Variants in PGPEP1 observed in about 807,000 individuals in gnomAD.
The protein encoded by PGPEP1 is pyroglutamyl-peptidase 1.
In PGPEP1, 15 loss-of-function variants were observed where a neutral mutation model predicts 24.1. The observed-to-expected ratio is 0.62, with a 90% CI of 0.42 to 0.96. PGPEP1 has a LOEUF of 0.96. Among genes scored for constraint, PGPEP1 ranks in the 40% least tolerant of loss-of-function variants. The probability of loss-of-function intolerance (pLI) is 0.00; values close to 1 mark genes in which losing one functional copy is unlikely to be tolerated. For missense variants in PGPEP1, 242 were observed against 273.4 expected, an observed-to-expected ratio of 0.89 and a Z score of 0.81; for synonymous variants, 122 against 116.4, an observed-to-expected ratio of 1.05 and a Z score of -0.31.
chr19:18,346,087 C>T (rs1970836970), intron 2 of PGPEP1, among the ~76,000 whole-genome samples: 1 of 152,052 alleles, frequency 6.6e-6, no homozygotes, highest in Admixed American at 6.6e-5. Flanking sequence ...AGAAGCCCCA[C>T]ATAGCCTCTC....
intron 2 of PGPEP1, among the ~76,000 whole-genome samples, chr19:18,345,578 A>G (rs972578157): frequency 5.3e-5 from 8 of 151,220 alleles, no homozygotes; most frequent in Non-Finnish European, 8.9e-5. Flanking sequence ...AAATACAAAC[A>G]GCCGGGAGTG....
In PGPEP1 at chr19:18,363,477, C is replaced by T. The variant is rs753165820; in HGVS notation, c.524C>T (p.Pro175Leu). 20 of 1,614,034 alleles carry T rather than the reference C, an allele frequency of 1.2e-5. No individual in the cohort carries two copies. Among genetic ancestry groups the T allele is most frequent in the Admixed American group, 1.7e-5 (1 of 59,996 alleles). The stretch of plus-strand genomic sequence containing the variant: ...GTCCACGTGCCCCCACTGGGGAAGC[C>T]GTACAACGCGGACCAGCTGGGCAGG... Reference protein sequence around the residue: ...AFVHVPPLGKPYNADQLGRAL... With the variant: ...AFVHVPPLGKLYNADQLGRAL... The change falls in exon 5 of 5, where the codon CCG (proline) becomes CTG (leucine). Residue 175 changes from proline (P) to leucine (L), a missense_variant. Transcript: ENST00000269919.
chr19:18,356,774 C>CA (rs1971196740), intron 3 of PGPEP1, among the ~76,000 whole-genome samples: 2 of 151,756 alleles, frequency 1.3e-5, no homozygotes, highest in South Asian at 4.2e-4. Context: ...CATGGTGGCT[C>CA]ACGCCTGTAA....
At chr19:18,345,558 A>C (rs377035853) in intron 2 of PGPEP1, among the ~76,000 whole-genome samples, 117 of 133,180 alleles carry the variant, frequency 8.8e-4, no homozygotes, top group African/African-American at 2.8e-3. Context: ...CCCCATCTCT[A>C]AAAAAAAAAA....
intron 4 of PGPEP1, among the ~76,000 whole-genome samples, chr19:18,361,193 A>G (rs556151719): frequency 6.6e-6 from 1 of 151,314 alleles, no homozygotes; most frequent in Non-Finnish European, 1.5e-5. Context: ...GCTGGAGTGC[A>G]ATGGCAGAAT....
At chr19:18,353,705 T>A (rs748003834) in intron 2 of PGPEP1, among the ~76,000 whole-genome samples, 12 of 152,196 alleles carry the variant, frequency 7.9e-5, no homozygotes, top group Non-Finnish European at 1.6e-4. Context: ...TGGATTTGCC[T>A]GCTCTGGGCA....
At chr19:18,353,658 C>T (rs1306134693) in intron 2 of PGPEP1, among the ~76,000 whole-genome samples, 2 of 152,202 alleles carry the variant, frequency 1.3e-5, no homozygotes, top group South Asian at 2.1e-4. Context: ...TCCCCTCCCT[C>T]AGCCCCTGGC....
chr19:18,363,657 C>A lies in PGPEP1; in HGVS notation c.*74C>A. 1.8e-6 allele frequency: 2 copies of A among 1,141,536 alleles called. No individual in the cohort carries two copies. Among genetic ancestry groups the A allele is most frequent in the Non-Finnish European group, 2.5e-6 (2 of 796,896 alleles). 70.7% of individuals were successfully genotyped at this position (1,141,536 alleles called of 1,614,324 possible). On this transcript the variant is annotated 3_prime_UTR_variant, in exon 5 of 5. Coordinates refer to ENST00000269919, the MANE Select transcript of PGPEP1 (RefSeq NM_017712.4). The stretch of plus-strand genomic sequence containing the variant: ...GGGACATCCACCCTCTGGGGTGTGG[C>A]CAGGAAAAGACAAGCTCTTCAGCTT...
chr19:18,349,707 C>G (rs1970967005), intron 2 of PGPEP1, among the ~76,000 whole-genome samples: 1 of 152,214 alleles, frequency 6.6e-6, no homozygotes, highest in Non-Finnish European at 1.5e-5. Context: ...CGCTCCCATT[C>G]CTTCCTTGCC....
chr19:18,368,857 G>C lies in PGPEP1; in HGVS notation c.*5274G>C, dbSNP rs1049093088. The C allele has an allele frequency of 6.5e-6, 1 of 152,706 alleles. No homozygotes were observed. The highest frequency in any genetic ancestry group is 1.5e-5 in the Non-Finnish European group (1 of 68,120). The allele number at this position is 152,706 out of a possible 1,614,324, so 9.5% of individuals were successfully genotyped here. Reference sequence around the variant, plus strand: ...GGAGCTGCGTGACGGCCAGCATGGGGTGCTGATCATGGTCAAGGAGGCAGG... The same window carrying C: ...GGAGCTGCGTGACGGCCAGCATGGGCTGCTGATCATGGTCAAGGAGGCAGG... On this transcript the variant is annotated 3_prime_UTR_variant, in exon 5 of 5. Coordinates refer to ENST00000269919, the MANE Select transcript of PGPEP1 (RefSeq NM_017712.4).
intron 3 of PGPEP1, among the ~76,000 whole-genome samples, chr19:18,356,604 C>G (rs1378145917): frequency 6.6e-6 from 1 of 151,100 alleles, no homozygotes; most frequent in African/African-American, 2.4e-5. Context: ...AAAAATTAGG[C>G]ATGATGGTAC....
intron 1 of PGPEP1, 42 bp downstream of exon 1, chr19:18,340,757 C>A: frequency 7.1e-7 from 1 of 1,402,256 alleles, no homozygotes. Flanking sequence ...CGGCCGGGGG[C>A]AGAGGCGGGG....
intron 2 of PGPEP1, among the ~76,000 whole-genome samples, chr19:18,343,443 T>C (rs1003477436): frequency 1.6e-4 from 25 of 152,212 alleles, no homozygotes; most frequent in Admixed American, 1.5e-3. Context: ...TGTGCCCACT[T>C]AACAGAATAG....
chr19:18,359,339 C>T (rs1461431186), intron 4 of PGPEP1, among the ~76,000 whole-genome samples: 5 of 152,030 alleles, frequency 3.3e-5, no homozygotes, highest in Non-Finnish European at 5.9e-5. Context: ...CTTGGCCCGC[C>T]TCTCCACCCC....
chr19:18,363,367 T>C, intron 4 of PGPEP1, 24 bp from the exon 5 acceptor site: 3 of 1,591,514 alleles, frequency 1.9e-6, no homozygotes, highest in Admixed American at 3.4e-5. Flanking sequence ...GTCTCTCTCT[T>C]ACCCGCCACG....
At chr19:18,347,575 C>T (rs542387698) in intron 2 of PGPEP1, among the ~76,000 whole-genome samples, 36 of 150,786 alleles carry the variant, frequency 2.4e-4, no homozygotes, top group Non-Finnish European at 3.0e-5. Flanking sequence ...TGTCTCTTTC[C>T]CCTTCTCTCT....
rs551019106 is a variant in PGPEP1 at position 18,365,685 on chromosome 19, C to T, written c.*2102C>T. 52 of 152,332 alleles carry T rather than the reference C, an allele frequency of 3.4e-4. No homozygotes were observed. The highest frequency in any genetic ancestry group is 1.0e-3 in the African/African-American group (43 of 41,556). 9.4% of individuals were successfully genotyped at this position (152,332 alleles called of 1,614,324 possible). ...CAGCTGAGAGTTTTGTTTTCTTCAG[C>T]GTTCACCTTCCTTGTCTCCAGTTCC... On this transcript the variant is annotated 3_prime_UTR_variant, in exon 5 of 5. Transcript: ENST00000269919.
In PGPEP1 at chr19:18,348,989, C is replaced by T. The variant is rs529604129; in HGVS notation, c.87+6078C>T. 3 of 412,774 alleles carry T rather than the reference C, an allele frequency of 7.3e-6. No homozygotes were observed. The East Asian group carries it at 4.6e-4, about 64-fold the overall frequency. 25.6% of individuals were successfully genotyped at this position (412,774 alleles called of 1,614,324 possible). ...TATTGCCCTGGCTGGTCTTGAACTT[C>T]CGGGCTCAAATGATCCTTCCACCTC... is the stretch of plus-strand genomic sequence containing the variant. On this transcript the variant is annotated intron_variant, in intron 2 of 4. Coordinates refer to ENST00000269919, the MANE Select transcript of PGPEP1 (RefSeq NM_017712.4).
intron 2 of PGPEP1, among the ~76,000 whole-genome samples, chr19:18,345,856 TG>T (rs1970826600): frequency 6.6e-6 from 1 of 151,834 alleles, no homozygotes. Flanking sequence ...CTGACCAATA[TG>T]GTGAAACCCT....
Sources: allele counts gnomAD v4.1 joint callset (sites outside exome capture counted in the v4.1 genomes callset), GRCh38; gene constraint gnomAD v4.1.1; transcripts MANE v1.5; gene names NCBI Gene and HGNC (gene_info 2026-07-23, HGNC 2026-07-21).